Variants in ABI3BP observed in about 807,000 individuals in gnomAD.
The protein encoded by ABI3BP is target of Nesh-SH3.
Under a neutral mutation model 268.6 loss-of-function variants are expected in ABI3BP, and 216 were observed. The ratio of observed to expected loss-of-function variants is 0.80; its 90% CI spans 0.72 to 0.90. The LOEUF (loss-of-function observed/expected upper bound fraction) is 0.90. Ranked by LOEUF, ABI3BP falls within the 40% of genes least tolerant of loss-of-function variation. The pLI is 0.00. For synonymous variants in ABI3BP, 730 were observed against 730.0 expected (o/e 1.00, Z 0.00); for missense variants, 2,090 against 2,182.4 (o/e 0.96, Z 0.84).
chr3:100,910,804 A>C (rs1049876448), intron 2 of ABI3BP, among the ~76,000 whole-genome samples: 3 of 152,254 alleles, frequency 2.0e-5, no homozygotes, highest in East Asian at 3.8e-4. Flanking sequence ...AAACATGCTA[A>C]GACTTATCTG....
chr3:100,897,772 A>T (rs2048409655), intron 4 of ABI3BP, among the ~76,000 whole-genome samples: 1 of 152,236 alleles, frequency 6.6e-6, no homozygotes, highest in South Asian at 2.1e-4. Flanking sequence ...TACTGTGTTT[A>T]AATTATACCT....
intron 62 of ABI3BP, among the ~76,000 whole-genome samples, chr3:100,769,889 A>G (rs1311369099): frequency 6.6e-6 from 1 of 152,220 alleles, no homozygotes; most frequent in Non-Finnish European, 1.5e-5. Flanking sequence ...GAAGTTGCCC[A>G]GATCCAATGG....
chr3:100,795,565 C>T (rs2097321899), intron 53 of ABI3BP, among the ~76,000 whole-genome samples: 1 of 151,976 alleles, frequency 6.6e-6, no homozygotes, highest in Non-Finnish European at 1.5e-5. Context: ...CATTTTGAAA[C>T]ATGGAGATAG....
At chr3:100,966,019 A>C (rs1051016021) in intron 1 of ABI3BP, among the ~76,000 whole-genome samples, 1 of 152,220 alleles carries the variant, frequency 6.6e-6, no homozygotes, top group Non-Finnish European at 1.5e-5. Flanking sequence ...AATCAGGCCC[A>C]GTTCTGTGAC....
intron 1 of ABI3BP, among the ~76,000 whole-genome samples, chr3:100,965,463 AG>A (rs2080910534): frequency 6.6e-6 from 1 of 151,690 alleles, no homozygotes; most frequent in Non-Finnish European, 1.5e-5. Context: ...AATTTGTTAC[AG>A]CAATGATGTG....
chr3:100,959,557 C>G (rs1024368116), intron 1 of ABI3BP, among the ~76,000 whole-genome samples: 3 of 151,462 alleles, frequency 2.0e-5, no homozygotes, highest in Non-Finnish European at 2.9e-5. Context: ...CCTCAATGTC[C>G]CCTATCAATT....
chr3:100,877,140 G>T (rs977868548), intron 6 of ABI3BP, among the ~76,000 whole-genome samples: 1 of 152,182 alleles, frequency 6.6e-6, no homozygotes, highest in Admixed American at 6.5e-5. Context: ...GCAATGGAAA[G>T]AAACCAAATC....
chr3:100,944,505 A>C (rs1467998329), intron 1 of ABI3BP, among the ~76,000 whole-genome samples: 1 of 152,170 alleles, frequency 6.6e-6, no homozygotes, highest in East Asian at 1.9e-4. Context: ...TTTCTATTGC[A>C]AAACACTGTT....
chr3:100,794,902 A>G (rs1449056722), intron 54 of ABI3BP, 21 bp downstream of exon 54: 21 of 1,534,594 alleles, frequency 1.4e-5, no homozygotes, highest in Non-Finnish European at 1.9e-5. Context: ...CTCTTTGAAC[A>G]AATATTAAAA....
intron 65 of ABI3BP, 86 bp from the exon 66 acceptor site, chr3:100,753,034 C>T: frequency 2.9e-5 from 38 of 1,310,446 alleles, no homozygotes; most frequent in Non-Finnish European, 3.8e-5. Context: ...TGTCAACTTG[C>T]TGATACCTTT....
In ABI3BP at chr3:100,898,827, C is replaced by T; in HGVS notation, c.396G>A (p.Leu132=). ...VGTLTPSSVF[L]SWGFLINPHH... ...GTGGGTTGATGAGGAAACCCCAGGACAGGAAGACCGAGCTCGGTGTCAGAG... is the reference window on the plus strand; with the variant it reads ...GTGGGTTGATGAGGAAACCCCAGGATAGGAAGACCGAGCTCGGTGTCAGAG... Residue 132 remains leucine (L), a synonymous_variant, in exon 4 of 68, where the codon CTG becomes CTA. Transcript: ENST00000471714. 6.2e-7 allele frequency: 1 copy of T among 1,613,750 alleles called. No individual in the cohort carries two copies.
intron 57 of ABI3BP, among the ~76,000 whole-genome samples, chr3:100,785,089 T>C (rs1225495606): frequency 6.6e-6 from 1 of 152,166 alleles, no homozygotes; most frequent in South Asian, 2.1e-4. Flanking sequence ...AAAAAGAATA[T>C]GTCCTATAGA....
intron 1 of ABI3BP, among the ~76,000 whole-genome samples, chr3:100,953,043 C>A (rs2075648124): frequency 6.6e-6 from 1 of 152,122 alleles, no homozygotes; most frequent in Non-Finnish European, 1.5e-5. Flanking sequence ...ATCTTTGATT[C>A]TTTTCACTTT....
At chr3:100,894,156 A>C (rs2046057561) in intron 4 of ABI3BP, among the ~76,000 whole-genome samples, 1 of 152,164 alleles carries the variant, frequency 6.6e-6, no homozygotes, top group Admixed American at 6.5e-5. Context: ...TCTCAAAAGA[A>C]AAACGAATGT....
chr3:100,753,267 G>C (rs1240312848), intron 65 of ABI3BP, among the ~76,000 whole-genome samples: 1 of 151,648 alleles, frequency 6.6e-6, no homozygotes, highest in Non-Finnish European at 1.5e-5. Context: ...GCTTTAATAT[G>C]ACTTGTTATT....
intron 56 of ABI3BP, 82 bp downstream of exon 56, chr3:100,789,372 C>T: frequency 7.4e-7 from 1 of 1,345,738 alleles, no homozygotes; most frequent in Non-Finnish European, 1.0e-6. Context: ...AAGGGTTCCC[C>T]TTTGGTGTAT....
At chr3:100,980,556 C>T (rs1230501401) in intron 1 of ABI3BP, among the ~76,000 whole-genome samples, 2 of 152,112 alleles carry the variant, frequency 1.3e-5, no homozygotes, top group African/African-American at 4.8e-5. Context: ...GAGGGTCTTC[C>T]AAGCACAAGA....
intron 2 of ABI3BP, among the ~76,000 whole-genome samples, chr3:100,909,393 A>G (rs1007722015): frequency 6.6e-6 from 1 of 152,234 alleles, no homozygotes; most frequent in Admixed American, 6.5e-5. Flanking sequence ...GGCAAAAAAA[A>G]AAAGCCAAAA....
intron 36 of ABI3BP, 132 bp from the exon 37 acceptor site, chr3:100,823,646 A>G (rs73135552): frequency 0.17 from 115,594 of 669,608 alleles, 11,823 homozygotes; most frequent in South Asian, 0.26. Flanking sequence ...TCTTAACTGA[A>G]GGAAAGAATG....
Sources: gnomAD v4.1 joint callset for allele counts (sites outside exome capture counted in the v4.1 genomes callset) on GRCh38, gnomAD v4.1.1 for gene constraint, MANE v1.5 for transcripts, NCBI Gene and HGNC (gene_info 2026-07-23, HGNC 2026-07-21) for gene names.